SLC23A2: variants seen among roughly 807,000 people sequenced by gnomAD.
SLC23A2 encodes the protein Na(+)/L-ascorbic acid transporter 2.
In SLC23A2, 36 loss-of-function variants were observed where a neutral mutation model predicts 73.3. The observed-to-expected ratio is 0.49, with a 90% CI of 0.38 to 0.65. SLC23A2 has a LOEUF of 0.65. Among genes scored for constraint, SLC23A2 ranks in the 30% least tolerant of loss-of-function variants. The pLI is 0.00. For missense variants in SLC23A2, 507 were observed against 841.6 expected (o/e 0.60, Z 4.92); for synonymous variants, 343 against 327.3 (o/e 1.05, Z -0.52).
intron 2 of SLC23A2, among the ~76,000 whole-genome samples, chr20:4,958,444 C>T (rs2087326517): frequency 6.6e-6 from 1 of 152,190 alleles, no homozygotes; most frequent in Non-Finnish European, 1.5e-5. Flanking sequence ...AAAGTTTTAA[C>T]ATACATTTTC....
At chr20:4,874,467 C>A (rs751893596) in intron 10 of SLC23A2, 109 bp downstream of exon 10, 190 of 1,013,972 alleles carry the variant, frequency 1.9e-4, no homozygotes, top group Non-Finnish European at 2.7e-4. Flanking sequence ...TCTCACTGCA[C>A]AGATATGATC....
intron 13 of SLC23A2, among the ~76,000 whole-genome samples, chr20:4,866,413 G>T (rs1457977253): frequency 2.6e-5 from 4 of 152,240 alleles, no homozygotes; most frequent in Non-Finnish European, 5.9e-5. Flanking sequence ...CAAACTGGCT[G>T]AAGAGTGGCA....
chr20:5,006,979 G>A lies in SLC23A2; in HGVS notation c.-282+3203C>T, dbSNP rs189059605. Among the ~76,000 whole-genome samples, 640 of 142,922 alleles carry A rather than the reference G, an allele frequency of 4.5e-3. 4 individuals are homozygous for A. The highest frequency in any genetic ancestry group is 0.014 in the African/African-American group (550 of 39,932). The allele number at this position is 142,922 out of a possible 152,430, so 93.8% of individuals were successfully genotyped here. On this transcript the variant is annotated intron_variant, in intron 1 of 16. Transcript: ENST00000379333. Reference sequence around the variant, plus strand: ...TGTGTGTGTGTGTGTGTGTGTGTGCGTGCGTGCGTGTTCAATGATGTGCAT... The same window carrying A: ...TGTGTGTGTGTGTGTGTGTGTGTGCATGCGTGCGTGTTCAATGATGTGCAT...
At chr20:4,889,873 T>C (rs761255701) in intron 6 of SLC23A2, among the ~76,000 whole-genome samples, 1 of 152,002 alleles carries the variant, frequency 6.6e-6, no homozygotes, top group African/African-American at 2.4e-5. Context: ...GTTAAGTCTT[T>C]GTGGCAAGTT....
chr20:4,983,411 C>A (rs891662824), intron 1 of SLC23A2, among the ~76,000 whole-genome samples: 1 of 151,996 alleles, frequency 6.6e-6, no homozygotes, highest in African/African-American at 2.4e-5. Context: ...CTTCGGGAGG[C>A]CAAGGCGGGC....
chr20:4,911,378 C>T (rs774386976), intron 4 of SLC23A2, among the ~76,000 whole-genome samples: 7 of 152,022 alleles, frequency 4.6e-5, no homozygotes, highest in Non-Finnish European at 8.8e-5. Context: ...TTTCCATATC[C>T]CAGACTGGAA....
At chr20:5,007,063 C>T (rs1468914034) in intron 1 of SLC23A2, among the ~76,000 whole-genome samples, 1 of 151,874 alleles carries the variant, frequency 6.6e-6, no homozygotes, top group Non-Finnish European at 1.5e-5. Flanking sequence ...ACCTAAACAT[C>T]CATCGATCAG....
chr20:4,874,072 T>C lies in SLC23A2; in HGVS notation c.966A>G (p.Val322=). Residue 322 remains valine (V), a synonymous_variant, in exon 11 of 17, where the codon GTA becomes GTG. Transcript: ENST00000338244. ...KMFPIILAIL[V]SWLLCFIFTV... The stretch of plus-strand genomic sequence containing the variant: ...TGAAGATGAAGCAGAGCAGCCAGGA[T>C]ACCAGGATGGCCAGGATGATCTGGA... 4.3e-6 allele frequency: 7 copies of C among 1,613,842 alleles called. No individual in the cohort carries two copies. The highest frequency in any genetic ancestry group is 1.3e-5 in the African/African-American group (1 of 75,056).
intron 1 of SLC23A2, among the ~76,000 whole-genome samples, chr20:5,000,078 A>G (rs2088091922): frequency 6.6e-6 from 1 of 152,136 alleles, no homozygotes; most frequent in Non-Finnish European, 1.5e-5. Flanking sequence ...TAAATTGGGG[A>G]TGAATGAAAA....
intron 2 of SLC23A2, among the ~76,000 whole-genome samples, chr20:4,966,809 TACACACAC>T (rs56931121): frequency 0.048 from 5,302 of 109,686 alleles, 117 homozygotes; most frequent in Middle Eastern, 0.081. Context: ...TTGATAGTTT[TACACACAC>T]ACACACACAC....
intron 4 of SLC23A2, 137 bp downstream of exon 4, chr20:4,912,743 G>A (rs1347647118): frequency 6.2e-6 from 4 of 640,782 alleles, no homozygotes; most frequent in Admixed American, 4.7e-5. Flanking sequence ...AGAGAACACA[G>A]CCCCTTGGGA....
chr20:4,911,511 T>C (rs1217479840), intron 4 of SLC23A2, among the ~76,000 whole-genome samples: 3 of 152,218 alleles, frequency 2.0e-5, no homozygotes, highest in African/African-American at 7.2e-5. Flanking sequence ...GGTACTATAT[T>C]TGTATGTGTC....
chr20:4,934,816 T>C (rs987759522), intron 2 of SLC23A2, among the ~76,000 whole-genome samples: 7 of 151,362 alleles, frequency 4.6e-5, no homozygotes, highest in Non-Finnish European at 7.4e-5. Flanking sequence ...TGAGCCAAGA[T>C]TGCGCCATTG....
intron 3 of SLC23A2, among the ~76,000 whole-genome samples, chr20:4,915,496 T>G (rs1368347571): frequency 6.6e-6 from 1 of 152,182 alleles, no homozygotes; most frequent in East Asian, 1.9e-4. Context: ...GGGAAGAAAT[T>G]TAAGACTAAA....
chr20:4,896,458 C>T (rs931872995), intron 6 of SLC23A2, among the ~76,000 whole-genome samples: 5 of 152,168 alleles, frequency 3.3e-5, no homozygotes, highest in African/African-American at 1.2e-4. Flanking sequence ...CCAGACTGCC[C>T]ACAAGGTGCT....
intron 6 of SLC23A2, among the ~76,000 whole-genome samples, chr20:4,894,164 G>A (rs993755510): frequency 4.6e-5 from 7 of 152,154 alleles, no homozygotes; most frequent in South Asian, 2.1e-4. Flanking sequence ...TCGCTCAGGG[G>A]AAAACTCGGT....
At chr20:4,984,010 G>A (rs2087778188) in intron 1 of SLC23A2, among the ~76,000 whole-genome samples, 1 of 151,598 alleles carries the variant, frequency 6.6e-6, no homozygotes, top group African/African-American at 2.4e-5. Context: ...TACAGAAAGA[G>A]GAAAAAATAT....
Position 4,862,684 on chromosome 20 carries a change from G to T in SLC23A2, c.1486+94C>A. ...TTGTATTTTAAAATAGAAATTTATC[G>T]TTACCTTCTTACTGAAGGGAGTCAG... is the stretch of plus-strand genomic sequence containing the variant. On this transcript the variant is annotated intron_variant, in intron 14 of 16. Transcript: ENST00000338244. This position sits in a 1 kb window ranked among gnomAD's most constrained non-coding sequence, Gnocchi z 5.1. 1 of 1,126,068 alleles carries T rather than the reference G, an allele frequency of 8.9e-7. No individual in the cohort carries two copies. The highest frequency in any genetic ancestry group is 1.6e-5 in the South Asian group (1 of 62,216). 69.8% of individuals were successfully genotyped at this position (1,126,068 alleles called of 1,614,324 possible). A position where few individuals can be genotyped will look rare whatever the true frequency, so the allele number is the denominator to read the frequency against.
rs2122799181 is a variant in SLC23A2 at position 4,872,283 on chromosome 20, G to A, written c.1102+1653C>T. Among the ~76,000 whole-genome samples, 1 of 152,122 alleles carries A rather than the reference G, an allele frequency of 6.6e-6. No individual in the cohort carries two copies. The highest frequency in any genetic ancestry group is 3.4e-3 in the Middle Eastern group (1 of 292). The stretch of plus-strand genomic sequence containing the variant: ...GAGAGTACTACATATGTATACAGTA[G>A]TACGACTATATCCCTGGAGGTGGCT... On this transcript the variant is annotated intron_variant, in intron 11 of 16. Transcript: ENST00000338244. The surrounding 1 kb of genome is among the most constrained non-coding windows in gnomAD (Gnocchi z 4.4).
Sources: gnomAD v4.1 joint callset for allele counts (sites outside exome capture counted in the v4.1 genomes callset) on GRCh38, gnomAD v4.1.1 for gene constraint, Gnocchi (gnomAD v3.1) non-coding constraint, MANE v1.5 for transcripts, NCBI Gene and HGNC (gene_info 2026-07-23, HGNC 2026-07-21) for gene names.